The following GARIN2 variants were observed in gnomAD, a reference collection of about 807,000 sequenced individuals.
The protein encoded by GARIN2 is golgi associated RAB2 interactor family member 2, also known as Golgi-associated RAB2 interactor protein 2.
At chr14:67,221,676 A>G in the GARIN2 span, 50 of 1,534,426 alleles carry the variant, frequency 3.3e-5, no homozygotes, top group Non-Finnish European at 4.4e-5. Context: ...TACTACCCAC[A>G]GAGCATTTAA....
the GARIN2 span, chr14:67,204,888 C>T: frequency 1.7e-5 from 28 of 1,613,934 alleles, 1 homozygote; most frequent in South Asian, 3.3e-5. Flanking sequence ...TCCCAGAATT[C>T]ACAGACATCA....
At chr14:67,215,691 AG>A in the GARIN2 span, among the ~76,000 whole-genome samples, 1 of 152,222 alleles carries the variant, frequency 6.6e-6, no homozygotes, top group African/African-American at 2.4e-5. Context: ...TTATTAGAAA[AG>A]CGTAAGGTTT....
the GARIN2 span, among the ~76,000 whole-genome samples, chr14:67,202,747 G>A: frequency 6.6e-6 from 1 of 152,276 alleles, no homozygotes; most frequent in Non-Finnish European, 1.5e-5. Flanking sequence ...AGACCTAACT[G>A]TTACCAGAAC....
At chr14:67,208,131 A>G in the GARIN2 span, 8 of 1,581,204 alleles carry the variant, frequency 5.1e-6, no homozygotes, top group Non-Finnish European at 6.9e-6. Context: ...TGTATTCGAT[A>G]CTGTTCCACA....
At chr14:67,211,982 T>C in the GARIN2 span, among the ~76,000 whole-genome samples, 2 of 152,236 alleles carry the variant, frequency 1.3e-5, no homozygotes, top group Non-Finnish European at 1.5e-5. Flanking sequence ...GGATAGACTT[T>C]AAGCATTCTT....
At chr14:67,203,047 G>C in the GARIN2 span, 1 of 1,578,304 alleles carries the variant, frequency 6.3e-7, no homozygotes, top group African/African-American at 1.4e-5. Flanking sequence ...GGTTGTCAAA[G>C]CCACACATTT....
chr14:67,225,060 C>G, the GARIN2 span: 2,299 of 1,276,450 alleles, frequency 1.8e-3, no homozygotes, highest in Non-Finnish European at 2.3e-3. Context: ...TTCTTTCTCA[C>G]TTCCTCTCTA....
the GARIN2 span, among the ~76,000 whole-genome samples, chr14:67,225,926 AGT>A: frequency 0.018 from 2,508 of 136,688 alleles, 38 homozygotes; most frequent in African/African-American, 0.039. Flanking sequence ...TAATGCTGTG[AGT>A]GTGTGTGTGT....
the GARIN2 span, among the ~76,000 whole-genome samples, chr14:67,193,676 C>G: frequency 6.8e-6 from 1 of 147,092 alleles, no homozygotes; most frequent in East Asian, 2.0e-4. Flanking sequence ...AGCACAGTGG[C>G]TCATGCCTAT....
chr14:67,213,411 G>C, the GARIN2 span, among the ~76,000 whole-genome samples: 4 of 141,034 alleles, frequency 2.8e-5, no homozygotes, highest in African/African-American at 8.0e-5. Context: ...GAGAATATGC[G>C]GTGTTTGGTT....
At chr14:67,203,601 T>C in the GARIN2 span, among the ~76,000 whole-genome samples, 5 of 152,204 alleles carry the variant, frequency 3.3e-5, no homozygotes, top group African/African-American at 1.2e-4. Context: ...TTAGCTCTGG[T>C]CCTGTCTCAG....
the GARIN2 span, among the ~76,000 whole-genome samples, chr14:67,213,630 T>A: frequency 6.6e-6 from 1 of 152,162 alleles, no homozygotes; most frequent in Admixed American, 6.5e-5. Flanking sequence ...AACTTACGTG[T>A]GCATGTGTCT....
At chr14:67,204,873 A>G in the GARIN2 span, 1 of 1,614,018 alleles carries the variant, frequency 6.2e-7, no homozygotes, top group Admixed American at 1.7e-5. Flanking sequence ...GGGACAGCAT[A>G]GATTTCCCAG....
At chr14:67,198,154 C>A in the GARIN2 span, 1 of 1,608,196 alleles carries the variant, frequency 6.2e-7, no homozygotes, top group Non-Finnish European at 8.5e-7. Context: ...TGTTTATGTG[C>A]AAGCGCAATG....
At chr14:67,192,039 C>A in the GARIN2 span, among the ~76,000 whole-genome samples, 12 of 152,198 alleles carry the variant, frequency 7.9e-5, no homozygotes, top group African/African-American at 2.9e-4. Flanking sequence ...AAGGGATCAG[C>A]TAGTGCTAGA....
the GARIN2 span, chr14:67,224,508 CCT>C: frequency 2.8e-5 from 5 of 175,502 alleles, no homozygotes; most frequent in African/African-American, 1.2e-4. Flanking sequence ...GATCCGCCCA[CCT>C]CAGCCTCCCA....
At chr14:67,193,328 C>T in the GARIN2 span, among the ~76,000 whole-genome samples, 1 of 134,622 alleles carries the variant, frequency 7.4e-6, no homozygotes, top group Non-Finnish European at 1.6e-5. Context: ...ATCTATATAT[C>T]TCTATATAGA....
chr14:67,223,951 A>G, the GARIN2 span: 21 of 985,064 alleles, frequency 2.1e-5, no homozygotes, highest in Non-Finnish European at 6.0e-6. Flanking sequence ...TGAGTCCGTA[A>G]TTCTAATTTA....
At chr14:67,189,600 G>A in the GARIN2 span, 2 of 152,124 alleles carry the variant, frequency 1.3e-5, no homozygotes, top group African/African-American at 2.4e-5. Flanking sequence ...TGCAACTTGG[G>A]TTTGAAACTG....
Sources: allele counts gnomAD v4.1 joint callset (sites outside exome capture counted in the v4.1 genomes callset), GRCh38; gene constraint gnomAD v4.1.1; transcripts MANE v1.5; gene names NCBI Gene and HGNC (gene_info 2026-07-23, HGNC 2026-07-21).